Variants in METTL2A observed in about 807,000 individuals in gnomAD.
METTL2A encodes methyltransferase 2A, tRNA N3-cytidine.
Under a neutral mutation model 49.4 loss-of-function variants are expected in METTL2A, and 45 were observed. That is an observed-to-expected ratio of 0.91 (90% CI 0.72 to 1.17). The LOEUF (loss-of-function observed/expected upper bound fraction) is 1.17. Among genes scored for constraint, METTL2A ranks in the 50% most tolerant of loss-of-function variants. METTL2A has a pLI of 0.00. For missense variants in METTL2A, 361 were observed against 462.2 expected, an observed-to-expected ratio of 0.78 and a Z score of 2.01; for synonymous variants, 118 against 167.5, an observed-to-expected ratio of 0.70 and a Z score of 2.28.
At chr17:62,425,702 A>AC (rs2070619877) in intron 2 of METTL2A, among the ~76,000 whole-genome samples, 1 of 145,332 alleles carries the variant, frequency 6.9e-6, no homozygotes, top group Non-Finnish European at 1.5e-5. Context: ...GGATTTTTTA[A>AC]TAGTTAAAAG....
chr17:62,449,434 G>A lies in METTL2A; in HGVS notation c.*705G>A, dbSNP rs1411028302. On this transcript the variant is annotated 3_prime_UTR_variant, in exon 9 of 9. Coordinates refer to ENST00000311506, the MANE Select transcript of METTL2A (RefSeq NM_181725.4). ...CTTCGCTTTAATCTTAGTTCCGCCA[G>A]GCACGGTGGCTCACACCTGTAATCC... is the stretch of plus-strand genomic sequence containing the variant. 8 of 451,228 alleles carry A rather than the reference G, an allele frequency of 1.8e-5. No individual in the cohort carries two copies. The highest frequency in any genetic ancestry group is 1.2e-4 in the South Asian group (8 of 64,266). 28.0% of individuals were successfully genotyped at this position (451,228 alleles called of 1,614,324 possible).
Position 62,440,692 on chromosome 17 carries a change from G to A in METTL2A, c.745G>A (p.Val249Met). The change falls in exon 6 of 9, where the codon GTG becomes ATG. Residue 249 changes from valine to methionine, a missense_variant. Coordinates refer to ENST00000311506, the MANE Select transcript of METTL2A (RefSeq NM_181725.4). ...GTGTGATGAAGAGAAGAGTTACCCAGTGCCCAAGGGCAGTCTTGATATTAT... is the reference window on the plus strand; with the variant it reads ...GTGTGATGAAGAGAAGAGTTACCCAATGCCCAAGGGCAGTCTTGATATTAT... ...DLCDEEKSYP[V>M]PKGSLDIIIL... 1 of 1,614,010 alleles carries A rather than the reference G, an allele frequency of 6.2e-7. No homozygotes were observed. Among genetic ancestry groups the A allele is most frequent in the Non-Finnish European group, 8.5e-7 (1 of 1,180,002 alleles).
rs1193291017 is a variant in METTL2A at position 62,452,192 on chromosome 17, A to C, written c.*3463A>C. Among the ~76,000 whole-genome samples the C allele has an allele frequency of 6.6e-6, 1 of 152,082 alleles. No homozygotes were observed. Among genetic ancestry groups the C allele is most frequent in the Non-Finnish European group, 1.5e-5 (1 of 68,024 alleles). ...TTTAAGGTAAGAGGCTATTGTGTAAACTCGAATTGGGTTTGTTGGTGTTTC... is the reference window on the plus strand; with the variant it reads ...TTTAAGGTAAGAGGCTATTGTGTAACCTCGAATTGGGTTTGTTGGTGTTTC... On this transcript the variant is annotated 3_prime_UTR_variant, in exon 9 of 9. Transcript: ENST00000311506.
intron 4 of METTL2A, among the ~76,000 whole-genome samples, chr17:62,433,062 A>G (rs902887932): frequency 1.3e-5 from 2 of 152,178 alleles, no homozygotes; most frequent in African/African-American, 4.8e-5. Flanking sequence ...GTTGTATGCA[A>G]ATGCTACACC....
chr17:62,427,591 G>A (rs906911674), intron 3 of METTL2A, among the ~76,000 whole-genome samples, 197 bp from the exon 4 acceptor site: 10 of 152,124 alleles, frequency 6.6e-5, no homozygotes, highest in Admixed American at 2.6e-4. Context: ...ATAAAAACCC[G>A]TGCTCTTGTC....
intron 7 of METTL2A, among the ~76,000 whole-genome samples, chr17:62,445,524 C>T (rs28463251): frequency 0.014 from 2,131 of 152,182 alleles, 39 homozygotes; most frequent in African/African-American, 0.047. Context: ...GACAGCCGGG[C>T]GCAGTGGCTC....
rs2070809006 is a variant in METTL2A, at chr17:62,452,003, T to TGAGCCGAGATCGCGCC, written c.*3275_*3290dup. 1.3e-5 allele frequency among the ~76,000 whole-genome samples: 2 copies of TGAGCCGAGATCGCGCC among 151,992 alleles called. No homozygotes were observed. Among genetic ancestry groups the TGAGCCGAGATCGCGCC allele is most frequent in the Admixed American group, 1.3e-4 (2 of 15,238 alleles). On this transcript the variant is annotated 3_prime_UTR_variant, in exon 9 of 9. Transcript: ENST00000311506. ...TGAACCTGGGAGGCGGAGGTTGCGG[T>TGAGCCGAGATCGCGCC]GAGCCGAGATCGCGCCATTGCACTC...
chr17:62,440,953 G>A (rs1469921944), intron 6 of METTL2A, among the ~76,000 whole-genome samples, 197 bp downstream of exon 6: 1 of 152,104 alleles, frequency 6.6e-6, no homozygotes, highest in African/African-American at 2.4e-5. Flanking sequence ...CCACAGGCAC[G>A]TGCCACCAGT....
At chr17:62,429,409 G>A (rs897836246) in intron 4 of METTL2A, among the ~76,000 whole-genome samples, 7 of 152,070 alleles carry the variant, frequency 4.6e-5, no homozygotes, top group African/African-American at 1.7e-4. Flanking sequence ...ACCTGCCTCA[G>A]CCTCCCTAGT....
At chr17:62,446,457 T>C (rs1054535652) in intron 7 of METTL2A, among the ~76,000 whole-genome samples, 1 of 152,102 alleles carries the variant, frequency 6.6e-6, no homozygotes, top group African/African-American at 2.4e-5. Flanking sequence ...ACTACAGGCA[T>C]GTGCCACCAC....
At position 62,448,602 on chromosome 17, in the gene METTL2A, C is replaced by A. The variant is rs1246307442; in HGVS notation, c.1010C>A (p.Ala337Asp). 1 of 1,614,062 alleles carries A rather than the reference C, an allele frequency of 6.2e-7. No individual in the cohort carries two copies. Among genetic ancestry groups the A allele is most frequent in the African/African-American group, 1.3e-5 (1 of 74,918 alleles). The change falls in exon 9 of 9, where the codon GCT (alanine) becomes GAT (aspartate). Residue 337 changes from alanine (A) to aspartate (D), a missense_variant. Physicochemically the swap from Ala to Asp is moderately radical, Grantham distance 126. Coordinates refer to ENST00000311506, the MANE Select transcript of METTL2A (RefSeq NM_181725.4). ...GAACTGGACACGCTTTTCACCACTG[C>A]TGGACTGGAAAAAGTTCAGAACCTG... is the stretch of plus-strand genomic sequence containing the variant. ...QEELDTLFTT[A>D]GLEKVQNLVD...
chr17:62,449,520 G>A lies in METTL2A; in HGVS notation c.*791G>A, dbSNP rs1312793250. 1.1e-5 allele frequency: 4 copies of A among 375,128 alleles called. No homozygotes were observed. Among genetic ancestry groups the A allele is most frequent in the Non-Finnish European group, 1.5e-5 (3 of 196,272 alleles). The allele number at this position is 375,128 out of a possible 1,614,324, so 23.2% of individuals were successfully genotyped here. A position where few individuals can be genotyped will look rare whatever the true frequency, so the allele number is the denominator to read the frequency against. On this transcript the variant is annotated 3_prime_UTR_variant, in exon 9 of 9. Coordinates refer to ENST00000311506, the MANE Select transcript of METTL2A (RefSeq NM_181725.4). ...GAGGTCAGGAGTTGGAGACCAGCGT[G>A]GCCAACATGGTGAAACCCCGTCTCT...
chr17:62,424,917 A>G (rs1276208743), intron 2 of METTL2A, among the ~76,000 whole-genome samples: 1 of 151,574 alleles, frequency 6.6e-6, no homozygotes, highest in Non-Finnish European at 1.5e-5. Flanking sequence ...GTTCCAGACA[A>G]TTGAAGATAG....
In METTL2A at chr17:62,423,943, C is replaced by A. The variant is rs771715352; in HGVS notation, c.41C>A (p.Ala14Asp). The A allele has an allele frequency of 1.9e-6, 3 of 1,613,822 alleles. No individual in the cohort carries two copies. Among genetic ancestry groups the A allele is most frequent in the Non-Finnish European group, 2.5e-6 (3 of 1,179,966 alleles). Residue 14 changes from alanine to aspartate, a missense_variant, in exon 1 of 9, where the codon GCC (alanine) becomes GAC (aspartate). Around this residue, in one of 3 missense-constraint regions of METTL2A, gnomAD observed 150 missense variants for 170.1 expected, o/e 0.88. Transcript: ENST00000311506. ...SYPEGAPAVLADKRQQFGSRF... is the reference protein window; with the variant it reads ...SYPEGAPAVLDDKRQQFGSRF... Reference sequence around the variant, plus strand: ...CCTGAAGGTGCACCTGCAGTCCTCGCCGATAAGAGGCAGCAGTTCGGAAGC... The same window carrying A: ...CCTGAAGGTGCACCTGCAGTCCTCGACGATAAGAGGCAGCAGTTCGGAAGC...
chr17:62,430,748 G>A (rs540507513), intron 4 of METTL2A, among the ~76,000 whole-genome samples: 3 of 152,160 alleles, frequency 2.0e-5, no homozygotes, highest in Admixed American at 6.5e-5. Context: ...ATTCGATCTC[G>A]GCTAGCCTCA....
At position 62,450,543 on chromosome 17, in the gene METTL2A, G is replaced by A. The variant is rs908425947; in HGVS notation, c.*1814G>A. On this transcript the variant is annotated 3_prime_UTR_variant, in exon 9 of 9. Coordinates refer to ENST00000311506, the MANE Select transcript of METTL2A (RefSeq NM_181725.4). ...TAATTTTAGAAAGTAAGGACTTTTC[G>A]ACCAGGCGTGGCGGCTCATGCCTAT... The A allele has an allele frequency of 6.6e-6, 1 of 151,880 alleles. No homozygotes were observed. The highest frequency in any genetic ancestry group is 1.5e-5 in the Non-Finnish European group (1 of 68,028). The allele number at this position is 151,880 out of a possible 1,614,324, so 9.4% of individuals were successfully genotyped here.
intron 5 of METTL2A, among the ~76,000 whole-genome samples, chr17:62,437,767 T>C (rs1020754589): frequency 2.7e-5 from 4 of 149,860 alleles, no homozygotes; most frequent in Non-Finnish European, 5.9e-5. Context: ...AGGTCAGGAG[T>C]TCGATACCAT....
intron 5 of METTL2A, among the ~76,000 whole-genome samples, chr17:62,437,554 C>T (rs1287048760): frequency 2.0e-5 from 3 of 152,134 alleles, no homozygotes; most frequent in Non-Finnish European, 4.4e-5. Flanking sequence ...TTCTGAAGTC[C>T]CTGGAAAGTC....
chr17:62,437,584 G>A (rs2070709228), intron 5 of METTL2A, among the ~76,000 whole-genome samples: 1 of 152,156 alleles, frequency 6.6e-6, no homozygotes, highest in Admixed American at 6.6e-5. Flanking sequence ...CAACCTAGCT[G>A]ATAAATACAG....
Sources: allele counts gnomAD v4.1 joint callset (sites outside exome capture counted in the v4.1 genomes callset), GRCh38; gene constraint gnomAD v4.1.1; regional missense constraint gnomAD v4.1.1; transcripts MANE v1.5; gene names NCBI Gene and HGNC (gene_info 2026-07-23, HGNC 2026-07-21).